DLG2: variants seen among roughly 807,000 people sequenced by gnomAD.
DLG2 encodes the protein discs large MAGUK scaffold protein 2, also known as disks large homolog 2.
A neutral mutation model predicts 132.5 loss-of-function variants in DLG2; 45 were observed. The observed-to-expected ratio is 0.34, with a 90% CI of 0.27 to 0.44. The LOEUF (loss-of-function observed/expected upper bound fraction) is 0.44. DLG2 is among the 20% of genes least tolerant of loss of function. The probability of loss-of-function intolerance (pLI) is 1.00; values close to 1 mark genes in which losing one functional copy is unlikely to be tolerated. For missense variants in DLG2, 1,045 were observed against 1,196.9 expected, an observed-to-expected ratio of 0.87 and a Z score of 1.87; for synonymous variants, 424 against 419.6, an observed-to-expected ratio of 1.01 and a Z score of -0.13.
At chr11:83,622,673 T>A (rs1213002758) in intron 19 of DLG2, among the ~76,000 whole-genome samples, 1 of 152,214 alleles carries the variant, frequency 6.6e-6, no homozygotes, top group Non-Finnish European at 1.5e-5. Flanking sequence ...CCAAAAGCCA[T>A]TCAGGAGCAA....
chr11:83,786,579 G>A, intron 18 of DLG2, 111 bp downstream of exon 18: 1 of 973,540 alleles, frequency 1.0e-6, no homozygotes, highest in South Asian at 1.6e-5. Context: ...CTATAGGTAG[G>A]TTTACAAAAC....
chr11:84,379,793 A>T (rs2098742905), intron 7 of DLG2, among the ~76,000 whole-genome samples: 1 of 151,694 alleles, frequency 6.6e-6, no homozygotes, highest in African/African-American at 2.4e-5. Flanking sequence ...AAAAAAAAAC[A>T]AGTTTGCTAA....
chr11:83,887,684 G>T (rs1252195864), intron 15 of DLG2, among the ~76,000 whole-genome samples: 1 of 150,690 alleles, frequency 6.6e-6, no homozygotes, highest in Non-Finnish European at 1.5e-5. Context: ...GATGAACATT[G>T]ATGCAAAAAT....
At chr11:83,877,772 C>G (rs755300330) in intron 15 of DLG2, among the ~76,000 whole-genome samples, 4 of 152,090 alleles carry the variant, frequency 2.6e-5, no homozygotes, top group Non-Finnish European at 5.9e-5. Context: ...CCTGTGGACA[C>G]AAATGAATTT....
chr11:85,609,492 C>T (rs1453490121), intron 2 of DLG2, among the ~76,000 whole-genome samples: 1 of 152,088 alleles, frequency 6.6e-6, no homozygotes. Flanking sequence ...ATGGAGCAGG[C>T]CAATCACTCG....
chr11:84,872,443 G>A (rs1053743746), intron 6 of DLG2, among the ~76,000 whole-genome samples: 1 of 152,190 alleles, frequency 6.6e-6, no homozygotes, highest in African/African-American at 2.4e-5. Context: ...TTGCCCTTGA[G>A]GATCTTAAGG....
At chr11:85,275,170 T>G (rs993930565) in intron 4 of DLG2, among the ~76,000 whole-genome samples, 3 of 152,212 alleles carry the variant, frequency 2.0e-5, no homozygotes, top group Admixed American at 6.5e-5. Flanking sequence ...CCAACAGAAC[T>G]ATCTTTAAGA....
At chr11:85,518,554 T>C (rs1424578013) in intron 3 of DLG2, among the ~76,000 whole-genome samples, 1 of 152,128 alleles carries the variant, frequency 6.6e-6, no homozygotes. Flanking sequence ...TTCAATTTTA[T>C]AAGGGAAGCA....
intron 9 of DLG2, among the ~76,000 whole-genome samples, chr11:84,144,382 C>T (rs2094982888): frequency 6.6e-6 from 1 of 152,088 alleles, no homozygotes; most frequent in Admixed American, 6.6e-5. Flanking sequence ...ATACAGGGTT[C>T]CTTACTTCGT....
At chr11:84,762,773 T>G (rs1484538411) in intron 6 of DLG2, among the ~76,000 whole-genome samples, 1 of 152,142 alleles carries the variant, frequency 6.6e-6, no homozygotes, top group Non-Finnish European at 1.5e-5. Flanking sequence ...AAGACAGAGA[T>G]GAGGATTGTT....
chr11:83,892,554 T>C (rs1400949872), intron 15 of DLG2, among the ~76,000 whole-genome samples: 4 of 152,266 alleles, frequency 2.6e-5, no homozygotes, highest in African/African-American at 7.2e-5. Flanking sequence ...TAATGAAAAA[T>C]GACTACTTAT....
intron 5 of DLG2, among the ~76,000 whole-genome samples, chr11:85,119,379 A>C (rs1367810340): frequency 6.6e-6 from 1 of 152,010 alleles, no homozygotes; most frequent in African/African-American, 2.4e-5. Flanking sequence ...CCAAAGTTTG[A>C]GTTATTACTA....
chr11:85,038,218 T>C (rs748080624), intron 6 of DLG2, among the ~76,000 whole-genome samples: 3 of 152,102 alleles, frequency 2.0e-5, no homozygotes, highest in Non-Finnish European at 4.4e-5. Flanking sequence ...GTGATACATA[T>C]TGATCACTCA....
intron 7 of DLG2, among the ~76,000 whole-genome samples, chr11:84,334,655 T>C (rs1485154412): frequency 2.0e-5 from 3 of 152,244 alleles, no homozygotes; most frequent in Non-Finnish European, 4.4e-5. Context: ...AATCCAGTGC[T>C]TTGCCTTCAA....
intron 3 of DLG2, among the ~76,000 whole-genome samples, chr11:85,565,320 T>C (rs1330449389): frequency 6.6e-6 from 1 of 152,116 alleles, no homozygotes; most frequent in East Asian, 1.9e-4. Context: ...TGATTAAGTA[T>C]AAATGTAAGC....
chr11:85,318,654 G>C (rs1319520675), intron 3 of DLG2, among the ~76,000 whole-genome samples: 2 of 151,508 alleles, frequency 1.3e-5, no homozygotes, highest in Non-Finnish European at 3.0e-5. Context: ...TAGAGAAGGA[G>C]GAATTAGGGA....
At chr11:84,971,317 T>C (rs2054067212) in intron 6 of DLG2, among the ~76,000 whole-genome samples, 1 of 152,222 alleles carries the variant, frequency 6.6e-6, no homozygotes, top group Non-Finnish European at 1.5e-5. Flanking sequence ...GTAACGTTTC[T>C]CATAAAGGAG....
At chr11:84,088,487 T>A (rs1042909902) in intron 10 of DLG2, among the ~76,000 whole-genome samples, 1 of 152,098 alleles carries the variant, frequency 6.6e-6, no homozygotes, top group Non-Finnish European at 1.5e-5. Context: ...TTGACAGAAA[T>A]AGGAAAACTC....
At chr11:85,300,814 T>G (rs1469653865) in intron 3 of DLG2, among the ~76,000 whole-genome samples, 2 of 152,052 alleles carry the variant, frequency 1.3e-5, no homozygotes, top group African/African-American at 4.8e-5. Context: ...TTAGTAGGCA[T>G]TTTCAGGCAT....
Sources: allele counts gnomAD v4.1 joint callset (sites outside exome capture counted in the v4.1 genomes callset), GRCh38; gene constraint gnomAD v4.1.1; transcripts MANE v1.5; gene names NCBI Gene and HGNC (gene_info 2026-07-23, HGNC 2026-07-21).